SNX29: variants seen among roughly 807,000 people sequenced by gnomAD.
The protein encoded by SNX29 is sorting nexin 29.
Under a neutral mutation model 102.1 loss-of-function variants are expected in SNX29, and 78 were observed. The observed-to-expected ratio is 0.76, with a 90% confidence interval of 0.64 to 0.92. SNX29 has a LOEUF of 0.92. SNX29 is among the 40% of genes least tolerant of loss of function. The pLI, the probability that SNX29 is intolerant of heterozygous loss-of-function variation, is 0.00. For synonymous variants in SNX29, 580 were observed against 414.5 expected, an observed-to-expected ratio of 1.40 and a Z score of -4.85; for missense variants, 1,280 against 1,061.7, an observed-to-expected ratio of 1.21 and a Z score of -2.86.
rs536879148 is a variant in SNX29 at position 12,305,368 on chromosome 16, T to G, written c.1782+27332T>G. On this transcript the variant is annotated intron_variant, in intron 15 of 20. Coordinates refer to ENST00000566228, the MANE Select transcript of SNX29 (RefSeq NM_032167.5). ...AGGGCAAGGCTAAGGCAGTAATCCCTGCCCAAGGTGACAGGGACCAAAGGG... is the reference window on the plus strand; with the variant it reads ...AGGGCAAGGCTAAGGCAGTAATCCCGGCCCAAGGTGACAGGGACCAAAGGG... Among the ~76,000 whole-genome samples the G allele has an allele frequency of 3.9e-5, 6 of 152,344 alleles. No individual in the cohort carries two copies. The South Asian group carries it at 1.2e-3, about 32-fold the overall frequency.
At chr16:12,551,294 G>C (rs554798879) in intron 20 of SNX29, among the ~76,000 whole-genome samples, 1 of 152,242 alleles carries the variant, frequency 6.6e-6, no homozygotes, top group South Asian at 2.1e-4. Flanking sequence ...TAACCAGTTT[G>C]TCAGCCCACC....
At chr16:12,183,312 A>C (rs2076435128) in intron 13 of SNX29, among the ~76,000 whole-genome samples, 1 of 151,962 alleles carries the variant, frequency 6.6e-6, no homozygotes, top group Non-Finnish European at 1.5e-5. Context: ...AATACTTTGT[A>C]TTTTTTTTAA....
intron 11 of SNX29, among the ~76,000 whole-genome samples, chr16:12,079,816 T>C (rs972801950): frequency 6.6e-6 from 1 of 152,122 alleles, no homozygotes; most frequent in African/African-American, 2.4e-5. Flanking sequence ...CCATTTTAGC[T>C]CCAGCCATTT....
chr16:12,455,086 C>G (rs1474684051), intron 18 of SNX29, among the ~76,000 whole-genome samples: 2 of 152,208 alleles, frequency 1.3e-5, no homozygotes, highest in Non-Finnish European at 2.9e-5. Context: ...AACCATTGCT[C>G]TGGCTGTGGT....
intron 14 of SNX29, among the ~76,000 whole-genome samples, chr16:12,273,654 G>A (rs1442835942): frequency 3.3e-5 from 5 of 152,086 alleles, no homozygotes; most frequent in Admixed American, 6.6e-5. Context: ...CACCAAGCCC[G>A]ACCCTCAGTG....
rs866970838 is a variant in SNX29 at position 12,568,797 on chromosome 16, C to A, written c.*168C>A. ...CACCCCGATTAAACTAATCAGTCTT[C>A]GAGCCGCATGATACCGTGACCCGAG... On this transcript the variant is annotated 3_prime_UTR_variant, in exon 21 of 21. Transcript: ENST00000566228. 1 of 1,089,326 alleles carries A rather than the reference C, an allele frequency of 9.2e-7. No individual in the cohort carries two copies. The highest frequency in any genetic ancestry group is 2.6e-5 in the East Asian group (1 of 38,124). The allele number at this position is 1,089,326 out of a possible 1,614,324, so 67.5% of individuals were successfully genotyped here. A position where few individuals can be genotyped will look rare whatever the true frequency, so the allele number is the denominator to read the frequency against.
At chr16:12,519,768 C>T (rs1161092879) in intron 19 of SNX29, among the ~76,000 whole-genome samples, 2 of 152,020 alleles carry the variant, frequency 1.3e-5, no homozygotes, top group African/African-American at 4.8e-5. Flanking sequence ...GCAGGTGGAT[C>T]ACCTGAGGGC....
At chr16:12,472,904 T>C (rs2087427034) in intron 18 of SNX29, among the ~76,000 whole-genome samples, 1 of 152,194 alleles carries the variant, frequency 6.6e-6, no homozygotes, top group South Asian at 2.1e-4. Context: ...ATTACAGATA[T>C]TACCCTCCTA....
At chr16:12,525,130 G>T (rs193046581) in intron 20 of SNX29, among the ~76,000 whole-genome samples, 1 of 152,166 alleles carries the variant, frequency 6.6e-6, no homozygotes, top group East Asian at 1.9e-4. Flanking sequence ...TTCGATCAAG[G>T]GAAGATTAAT....
chr16:12,360,186 C>T (rs1177078437), intron 16 of SNX29, among the ~76,000 whole-genome samples: 1 of 152,212 alleles, frequency 6.6e-6, no homozygotes, highest in South Asian at 2.1e-4. Flanking sequence ...GTTCAATATT[C>T]TCCAGTTAGC....
intron 14 of SNX29, among the ~76,000 whole-genome samples, chr16:12,272,889 A>G: frequency 6.6e-6 from 1 of 152,148 alleles, no homozygotes; most frequent in Non-Finnish European, 1.5e-5. Flanking sequence ...TGGAAGAGGA[A>G]GGGTAACTGT....
Position 12,571,490 on chromosome 16 carries a change from G to A in SNX29, c.*2861G>A, listed in dbSNP as rs982395429. 4 of 335,660 alleles carry A rather than the reference G, an allele frequency of 1.2e-5. No individual in the cohort carries two copies. Among genetic ancestry groups the A allele is most frequent in the African/African-American group, 6.4e-5 (3 of 47,082 alleles). 20.8% of individuals were successfully genotyped at this position (335,660 alleles called of 1,614,324 possible). A position where few individuals can be genotyped will look rare whatever the true frequency, so the allele number is the denominator to read the frequency against. Reference sequence around the variant, plus strand: ...CCCCCTCCCCTACTCAGAGAGGAACGAGGGTGGCCCACCTCTCAAGGGCCT... The same window carrying A: ...CCCCCTCCCCTACTCAGAGAGGAACAAGGGTGGCCCACCTCTCAAGGGCCT... On this transcript the variant is annotated 3_prime_UTR_variant, in exon 21 of 21. Transcript: ENST00000566228.
At chr16:11,987,585 C>T (rs1480682836) in intron 1 of SNX29, among the ~76,000 whole-genome samples, 1 of 151,982 alleles carries the variant, frequency 6.6e-6, no homozygotes, top group South Asian at 2.1e-4. Flanking sequence ...TTAGTAAAGA[C>T]GGGGTTTCAC....
At chr16:12,190,587 G>A (rs1466953357) in intron 13 of SNX29, among the ~76,000 whole-genome samples, 4 of 152,154 alleles carry the variant, frequency 2.6e-5, no homozygotes, top group Non-Finnish European at 4.4e-5. Flanking sequence ...TGGGGCAGAT[G>A]GGAGAGTTGC....
chr16:12,083,508 C>A (rs1304553459), intron 11 of SNX29, among the ~76,000 whole-genome samples: 1 of 152,112 alleles, frequency 6.6e-6, no homozygotes, highest in African/African-American at 2.4e-5. Context: ...GGCACCGGTC[C>A]TGTGGGATCA....
intron 20 of SNX29, among the ~76,000 whole-genome samples, chr16:12,542,445 C>G (rs1380785420): frequency 2.0e-5 from 3 of 152,236 alleles, no homozygotes; most frequent in Non-Finnish European, 4.4e-5. Context: ...AATTTTGTTT[C>G]CTCAGCTTCC....
intron 19 of SNX29, among the ~76,000 whole-genome samples, chr16:12,490,099 C>T (rs965786349): frequency 6.6e-6 from 1 of 152,122 alleles, no homozygotes; most frequent in Non-Finnish European, 1.5e-5. Flanking sequence ...AGCCACAACG[C>T]CAGGGCTTTT....
chr16:12,527,945 C>T (rs998876836), intron 20 of SNX29, among the ~76,000 whole-genome samples: 1 of 151,528 alleles, frequency 6.6e-6, no homozygotes, highest in East Asian at 1.9e-4. Flanking sequence ...CTGCTTCAGC[C>T]TCCCGAGTAG....
intron 20 of SNX29, among the ~76,000 whole-genome samples, chr16:12,555,719 C>A (rs923887179): frequency 6.6e-6 from 1 of 152,110 alleles, no homozygotes; most frequent in Non-Finnish European, 1.5e-5. Flanking sequence ...CCCTGATTGG[C>A]CCTTTCACTT....
Sources: gnomAD v4.1 joint callset for allele counts (sites outside exome capture counted in the v4.1 genomes callset) on GRCh38, gnomAD v4.1.1 for gene constraint, MANE v1.5 for transcripts, NCBI Gene and HGNC (gene_info 2026-07-23, HGNC 2026-07-21) for gene names.